ZFHX3: variants seen among roughly 807,000 people sequenced by gnomAD.
ZFHX3 encodes the protein zinc finger homeobox 3, also known as zinc finger homeobox protein 3.
A neutral mutation model predicts 279.1 loss-of-function variants in ZFHX3; 42 were observed. That is an observed-to-expected ratio of 0.15 (90% CI 0.12 to 0.19). The LOEUF is 0.19. ZFHX3 is among the 10% of genes least tolerant of loss of function. ZFHX3 has a pLI of 1.00. For synonymous variants in ZFHX3, 2,293 were observed against 1,957.8 expected, an observed-to-expected ratio of 1.17 and a Z score of -4.52; for missense variants, 4,981 against 4,754.0, an observed-to-expected ratio of 1.05 and a Z score of -1.40.
intron 2 of ZFHX3, among the ~76,000 whole-genome samples, chr16:73,588,344 T>C (rs897954759): frequency 6.6e-6 from 1 of 152,098 alleles, no homozygotes; most frequent in Admixed American, 6.5e-5. Flanking sequence ...GAATATAGTA[T>C]GTCCAAAAAG....
intron 1 of ZFHX3, among the ~76,000 whole-genome samples, chr16:73,047,267 T>A (rs772661273): frequency 6.7e-6 from 1 of 150,148 alleles, no homozygotes; most frequent in Non-Finnish European, 1.5e-5. Flanking sequence ...TTTCCAAGAG[T>A]GCGAAAAAAC....
chr16:72,961,815 G>C (rs1567608320), intron 1 of ZFHX3, among the ~76,000 whole-genome samples: 1 of 152,036 alleles, frequency 6.6e-6, no homozygotes, highest in Non-Finnish European at 1.5e-5. Context: ...TATAACTTCA[G>C]ATTTTGCAAC....
chr16:72,799,625 G>A (rs1456543616), intron 8 of ZFHX3, among the ~76,000 whole-genome samples: 6 of 152,178 alleles, frequency 3.9e-5, no homozygotes, highest in Admixed American at 6.5e-5. Flanking sequence ...AAAAAACTCA[G>A]AACGAAAGAC....
intron 4 of ZFHX3, among the ~76,000 whole-genome samples, chr16:72,833,367 G>A (rs182403217): frequency 4.6e-5 from 7 of 152,214 alleles, no homozygotes; most frequent in African/African-American, 9.6e-5. Context: ...CCTCTTCTGC[G>A]AAGTCACTGG....
At chr16:73,416,145 ACG>A (rs2017575219) in intron 3 of ZFHX3, among the ~76,000 whole-genome samples, 1 of 149,530 alleles carries the variant, frequency 6.7e-6, no homozygotes, top group African/African-American at 2.5e-5. Flanking sequence ...AAAACAAAAA[ACG>A]GAAAACAAAC....
chr16:73,592,898 A>T (rs2052014070), intron 2 of ZFHX3, among the ~76,000 whole-genome samples: 1 of 152,102 alleles, frequency 6.6e-6, no homozygotes, highest in Admixed American at 6.5e-5. Context: ...AACCAAGAAA[A>T]CAATGGAAAA....
chr16:73,192,141 C>T (rs1044013758), intron 5 of ZFHX3, among the ~76,000 whole-genome samples: 1 of 152,152 alleles, frequency 6.6e-6, no homozygotes, highest in Non-Finnish European at 1.5e-5. Context: ...GCCTCACTTG[C>T]TACCTTCCCT....
At chr16:72,905,209 AG>A (rs1045760385) in intron 3 of ZFHX3, among the ~76,000 whole-genome samples, 42 of 152,208 alleles carry the variant, frequency 2.8e-4, no homozygotes, top group African/African-American at 1.0e-3. Flanking sequence ...CTGAGATGGG[AG>A]GTTGGGGGCT....
chr16:73,529,312 A>G (rs1335510724), intron 2 of ZFHX3, among the ~76,000 whole-genome samples: 1 of 152,230 alleles, frequency 6.6e-6, no homozygotes, highest in Non-Finnish European at 1.5e-5. Flanking sequence ...AAATGCCTCT[A>G]TAAGAAAGGA....
At chr16:73,889,126 C>T (rs2030444773) in intron 1 of ZFHX3, among the ~76,000 whole-genome samples, 2 of 152,144 alleles carry the variant, frequency 1.3e-5, no homozygotes, top group African/African-American at 2.4e-5. Flanking sequence ...CAATCCTCAT[C>T]CCTGCCTTTC....
intron 2 of ZFHX3, among the ~76,000 whole-genome samples, chr16:73,588,871 T>C (rs1180914232): frequency 1.3e-5 from 2 of 151,808 alleles, no homozygotes; most frequent in South Asian, 2.1e-4. Context: ...AGAGAGAACA[T>C]GGAGAGGTCT....
intron 5 of ZFHX3, among the ~76,000 whole-genome samples, chr16:73,159,480 A>T (rs1304895600): frequency 6.6e-6 from 1 of 152,110 alleles, no homozygotes; most frequent in Non-Finnish European, 1.5e-5. Context: ...TGGAGCCCTG[A>T]GGCCACCATG....
In ZFHX3 at chr16:72,788,571, T is replaced by C; in HGVS notation, c.9705A>G (p.Lys3235=). The change falls in exon 10 of 10, where the codon AAA becomes AAG. Residue 3235 remains lysine, a synonymous_variant. Transcript: ENST00000268489. Reference sequence around the variant, plus strand: ...CCTTCTCCTTTACTTTCTCACTGTCTTTGTCCTTGCGTTGCTGCTGCTGTT... The same window carrying C: ...CCTTCTCCTTTACTTTCTCACTGTCCTTGTCCTTGCGTTGCTGCTGCTGTT... ...PLQQQQQRKD[K]DSEKVKEKEK... is the part of the protein sequence containing the mutation. 1.2e-6 allele frequency: 2 copies of C among 1,614,042 alleles called. No homozygotes were observed. The highest frequency in any genetic ancestry group is 8.5e-7 in the Non-Finnish European group (1 of 1,179,998).
chr16:73,429,919 G>T lies in ZFHX3; in HGVS notation c.-1291+26084C>A, dbSNP rs555698908. Among the ~76,000 whole-genome samples, 24 of 151,592 alleles carry T rather than the reference G, an allele frequency of 1.6e-4. 2 individuals carry two copies. In the South Asian group the frequency reaches 4.2e-3, roughly 26 times the overall value. On this transcript the variant is annotated intron_variant, in intron 3 of 17. Transcript: ENST00000641206. ...TTCTGTTGGTTCGAGACAGGGCCTTGCTCTGTCGCCCAGGCTGGAGCGCAG... is the reference window on the plus strand; with the variant it reads ...TTCTGTTGGTTCGAGACAGGGCCTTTCTCTGTCGCCCAGGCTGGAGCGCAG...
intron 3 of ZFHX3, among the ~76,000 whole-genome samples, chr16:72,917,830 G>C (rs932666000): frequency 6.6e-6 from 1 of 151,962 alleles, no homozygotes; most frequent in Admixed American, 6.6e-5. Flanking sequence ...AAGCACTTTT[G>C]AACTCAAAAT....
intron 5 of ZFHX3, among the ~76,000 whole-genome samples, chr16:73,221,819 A>T (rs2012430660): frequency 6.6e-6 from 1 of 152,170 alleles, no homozygotes; most frequent in South Asian, 2.1e-4. Flanking sequence ...TATTGTACAC[A>T]TTCTTAAAAA....
At position 72,795,858 on chromosome 16, in the gene ZFHX3, A is replaced by G; in HGVS notation, c.6824T>C (p.Leu2275Pro). ...GGTTGGAAGGTTCAGTAAATTAGAGAGTTGCTCAAATTCATCATCCTTTGG... is the reference window on the plus strand; with the variant it reads ...GGTTGGAAGGTTCAGTAAATTAGAGGGTTGCTCAAATTCATCATCCTTTGG... Reference protein sequence around the residue: ...AYPKDDEFEQLSNLLNLPTRV... With the variant: ...AYPKDDEFEQPSNLLNLPTRV... The change falls in exon 9 of 10, where the codon CTC (leucine) becomes CCC (proline). Residue 2275 changes from leucine to proline, a missense_variant. Leu to Pro is a moderately conservative substitution (Grantham distance 98, BLOSUM62 -3). Transcript: ENST00000268489. The G allele has an allele frequency of 6.2e-7, 1 of 1,614,120 alleles. No homozygotes were observed. The highest frequency in any genetic ancestry group is 8.5e-7 in the Non-Finnish European group (1 of 1,180,030).
intron 7 of ZFHX3, among the ~76,000 whole-genome samples, chr16:72,804,970 A>T (rs1037771987): frequency 6.6e-6 from 1 of 151,642 alleles, no homozygotes; most frequent in African/African-American, 2.4e-5. Flanking sequence ...GAGAGATTTT[A>T]TTTATTTATT....
chr16:73,504,234 T>A (rs963968531), intron 2 of ZFHX3: 2 of 152,194 alleles, frequency 1.3e-5, no homozygotes, highest in Non-Finnish European at 2.9e-5. Context: ...TTTCTTTTTT[T>A]AAATAGCTAT....
Sources: gnomAD v4.1 joint callset for allele counts (sites outside exome capture counted in the v4.1 genomes callset) on GRCh38, gnomAD v4.1.1 for gene constraint, MANE v1.5 for transcripts, NCBI Gene and HGNC (gene_info 2026-07-23, HGNC 2026-07-21) for gene names.